Variants in GPC5 observed in about 807,000 individuals in gnomAD.
The protein encoded by GPC5 is glypican 5, also known as glypican-5.
A neutral mutation model predicts 53.9 loss-of-function variants in GPC5; 47 were observed. That is an observed-to-expected ratio of 0.87 (90% CI 0.69 to 1.11). The LOEUF is 1.11. GPC5 is among the 50% of genes most tolerant of loss of function. The probability of loss-of-function intolerance (pLI) is 0.00; values close to 1 mark genes in which losing one functional copy is unlikely to be tolerated. For missense variants in GPC5, 748 were observed against 713.1 expected (o/e 1.05, Z -0.56); for synonymous variants, 286 against 263.3 (o/e 1.09, Z -0.84).
intron 2 of GPC5, among the ~76,000 whole-genome samples, chr13:91,669,536 T>C (rs2035195734): frequency 6.6e-6 from 1 of 152,084 alleles, no homozygotes. Context: ...AAGAGAAATC[T>C]CATTATGTCA....
chr13:92,563,832 A>G (rs1422510731), intron 7 of GPC5, among the ~76,000 whole-genome samples: 2 of 152,040 alleles, frequency 1.3e-5, no homozygotes, highest in East Asian at 3.9e-4. Context: ...TGGTGTTATT[A>G]CAGTCTTGCT....
chr13:92,845,122 TG>T (rs1303746912), intron 7 of GPC5, among the ~76,000 whole-genome samples: 2 of 152,014 alleles, frequency 1.3e-5, no homozygotes, highest in African/African-American at 4.8e-5. Flanking sequence ...CTGAATACAT[TG>T]TGATCTATAA....
chr13:91,788,500 C>A (rs2037913096), intron 5 of GPC5, among the ~76,000 whole-genome samples: 1 of 152,122 alleles, frequency 6.6e-6, no homozygotes, highest in Admixed American at 6.5e-5. Flanking sequence ...TTCAATGTAG[C>A]TAATTTGGAT....
At chr13:92,815,512 T>A (rs1877439805) in intron 7 of GPC5, among the ~76,000 whole-genome samples, 1 of 151,794 alleles carries the variant, frequency 6.6e-6, no homozygotes, top group South Asian at 2.1e-4. Flanking sequence ...CATAGCCTGA[T>A]TACACAGGCT....
At chr13:92,068,468 C>A (rs946358480) in intron 6 of GPC5, among the ~76,000 whole-genome samples, 1 of 151,400 alleles carries the variant, frequency 6.6e-6, no homozygotes, top group Non-Finnish European at 1.5e-5. Flanking sequence ...AAATAATGAC[C>A]AGTGTAGTTC....
intron 5 of GPC5, among the ~76,000 whole-genome samples, chr13:91,869,017 A>G (rs1214864592): frequency 1.3e-5 from 2 of 152,030 alleles, no homozygotes; most frequent in African/African-American, 4.8e-5. Context: ...ATTGTCCAGC[A>G]ATGGTGTTGT....
intron 7 of GPC5, among the ~76,000 whole-genome samples, chr13:92,751,997 A>C (rs1566401077): frequency 1.3e-5 from 2 of 152,100 alleles, no homozygotes; most frequent in Non-Finnish European, 2.9e-5. Context: ...TTATGAATTG[A>C]ATATAATAGT....
At chr13:92,381,017 T>C (rs1195376376) in intron 7 of GPC5, among the ~76,000 whole-genome samples, 1 of 152,234 alleles carries the variant, frequency 6.6e-6, no homozygotes. Flanking sequence ...TTTGACATTC[T>C]GTTACAGAAT....
chr13:92,643,639 A>C (rs939077058), intron 7 of GPC5, among the ~76,000 whole-genome samples: 1 of 143,124 alleles, frequency 7.0e-6, no homozygotes. Flanking sequence ...AAAAAACCAA[A>C]CACCGCATAT....
At chr13:92,564,504 T>A (rs1223600882) in intron 7 of GPC5, among the ~76,000 whole-genome samples, 1 of 152,022 alleles carries the variant, frequency 6.6e-6, no homozygotes, top group Non-Finnish European at 1.5e-5. Context: ...TTTTTGGTGT[T>A]TAATTAATTA....
At chr13:91,643,920 G>A (rs76999468) in intron 2 of GPC5, among the ~76,000 whole-genome samples, 181 of 151,870 alleles carry the variant, frequency 1.2e-3, no homozygotes, top group African/African-American at 4.0e-3. Context: ...TTGAGCTATT[G>A]AGGCAAGCTC....
chr13:91,884,949 A>G (rs2039306152), intron 5 of GPC5, among the ~76,000 whole-genome samples: 1 of 152,174 alleles, frequency 6.6e-6, no homozygotes, highest in Non-Finnish European at 1.5e-5. Context: ...CTTGTTTTAT[A>G]ACCCAGGACA....
At chr13:92,669,505 A>C (rs1381688156) in intron 7 of GPC5, among the ~76,000 whole-genome samples, 1 of 152,166 alleles carries the variant, frequency 6.6e-6, no homozygotes, top group East Asian at 1.9e-4. Flanking sequence ...TTTGCTGTAT[A>C]TCGTCGGCTT....
At chr13:92,139,971 T>A (rs2041818100) in intron 6 of GPC5, among the ~76,000 whole-genome samples, 1 of 152,196 alleles carries the variant, frequency 6.6e-6, no homozygotes, top group Non-Finnish European at 1.5e-5. Flanking sequence ...CAGGTTGAAT[T>A]CTTACCTTTG....
rs1266122584 is a variant in GPC5 at position 91,902,216 on chromosome 13, A to C, written c.1281-5721A>C. Among the ~76,000 whole-genome samples the C allele has an allele frequency of 5.9e-5, 9 of 152,170 alleles. No individual in the cohort carries two copies. In the East Asian group the frequency reaches 1.4e-3, roughly 23 times the overall value. On this transcript the variant is annotated intron_variant, in intron 5 of 7. Transcript: ENST00000377067. ...GTATTCTAAATAAAGTGAAATTACT[A>C]TCAGCCAATAGGGCATGGTATCAGT...
chr13:92,332,115 A>C (rs539961951), intron 7 of GPC5, among the ~76,000 whole-genome samples: 4 of 152,140 alleles, frequency 2.6e-5, no homozygotes, highest in Non-Finnish European at 5.9e-5. Context: ...AAACATTCTC[A>C]AATTATGTCT....
intron 6 of GPC5, among the ~76,000 whole-genome samples, chr13:91,924,075 C>G (rs1167634859): frequency 6.6e-6 from 1 of 152,042 alleles, no homozygotes; most frequent in East Asian, 1.9e-4. Context: ...TCTTAAGACA[C>G]TTAATAATTG....
At chr13:91,860,628 G>C (rs1489896382) in intron 5 of GPC5, among the ~76,000 whole-genome samples, 3 of 150,432 alleles carry the variant, frequency 2.0e-5, no homozygotes, top group Non-Finnish European at 3.0e-5. Context: ...TTCCACCTCA[G>C]CCTCCCGAGT....
In GPC5 at chr13:92,212,818, G is replaced by A. The variant is rs114012560; in HGVS notation, c.1561+67829G>A. Among the ~76,000 whole-genome samples the A allele has an allele frequency of 8.0e-3, 1,219 of 152,228 alleles. 22 individuals carry two copies. Among genetic ancestry groups the A allele is most frequent in the African/African-American group, 0.027 (1,136 of 41,530 alleles). On this transcript the variant is annotated intron_variant, in intron 7 of 7. Transcript: ENST00000377067. ...TAAAGACTTTACCTGGCAGAGTAGG[G>A]GACTCCACACCCTATGCTGTTGCCA...
Sources: allele counts gnomAD v4.1 joint callset (sites outside exome capture counted in the v4.1 genomes callset), GRCh38; gene constraint gnomAD v4.1.1; transcripts MANE v1.5; gene names NCBI Gene and HGNC (gene_info 2026-07-23, HGNC 2026-07-21).